The following GPR174 variants were observed in gnomAD, a reference collection of about 807,000 sequenced individuals.
GPR174 encodes probable G protein-coupled receptor 174.
In GPR174, 8 loss-of-function variants were observed where a neutral mutation model predicts 16.5. The observed-to-expected ratio is 0.48, with a 90% CI of 0.28 to 0.87. GPR174 has a LOEUF of 0.87. Ranked by LOEUF, GPR174 falls within the 40% of genes least tolerant of loss-of-function variation. The pLI, the probability that GPR174 is intolerant of heterozygous loss-of-function variation, is 0.09. For synonymous variants in GPR174, 111 were observed against 94.8 expected (o/e 1.17, Z -0.99); for missense variants, 214 against 247.5 (o/e 0.86, Z 0.91).
In GPR174 at chrX:79,171,409, C is replaced by T; in HGVS notation, c.402C>T (p.Asp134=). The T allele has an allele frequency of 1.7e-6, 2 of 1,211,787 alleles. No homozygotes were observed. The highest frequency in any genetic ancestry group is 2.2e-6 in the Non-Finnish European group (2 of 895,519). Residue 134 remains aspartate, a synonymous_variant, in exon 3 of 3, where the codon GAC becomes GAT. Transcript: ENST00000645147. ...FRFHDCKQKY[D]LYISIAGWLI... ...TCCATGACTGCAAACAGAAATATGA[C>T]CTGTACATCAGCATTGCTGGCTGGC...
At chrX:79,167,990 G>T (rs893439962) in intron 2 of GPR174, among the ~76,000 whole-genome samples, 13 of 111,907 alleles carry the variant, frequency 1.2e-4, no homozygotes, top group Admixed American at 7.6e-4. Flanking sequence ...ACTCAGTAGG[G>T]CAAAACTGGT....
At chrX:79,152,808 C>A (rs1018147461) in intron 1 of GPR174, among the ~76,000 whole-genome samples, 11 of 111,893 alleles carry the variant, frequency 9.8e-5, no homozygotes, top group Non-Finnish European at 1.5e-4. Context: ...GGACACTTCT[C>A]TCTTAAGGGT....
intron 1 of GPR174, among the ~76,000 whole-genome samples, chrX:79,150,123 T>C (rs1926572978): frequency 9.0e-6 from 1 of 111,526 alleles, no homozygotes; most frequent in East Asian, 2.8e-4. Flanking sequence ...CATAGTCCAA[T>C]AGAGAAAAAT....
chrX:79,144,996 C>CTT lies in GPR174; in HGVS notation c.-874_-873insTT, dbSNP rs1424713723. On this transcript the variant is annotated 5_prime_UTR_variant, in exon 1 of 3. Coordinates refer to ENST00000645147, the MANE Select transcript of GPR174 (RefSeq NM_032553.3). ...TCTTTCTTTTTCTTTCTTTCTTTCT[C>CTT]TCTCTCTCTCTTTCTTTCTTTCTTT... 9.0e-4 allele frequency: 65 copies of CTT among 72,139 alleles called. 1 individual carries two copies. Among genetic ancestry groups the CTT allele is most frequent in the Non-Finnish European group, 1.6e-3 (58 of 36,927 alleles). 5.9% of individuals were successfully genotyped at this position (72,139 alleles called of 1,213,427 possible).
chrX:79,152,036 G>T (rs1332511724), intron 1 of GPR174, among the ~76,000 whole-genome samples: 1 of 111,679 alleles, frequency 9.0e-6, no homozygotes, highest in Non-Finnish European at 1.9e-5. Context: ...AAGAACAAAG[G>T]TTCTGAACTC....
Position 79,171,989 on chromosome X carries a change from A to G in GPR174, c.982A>G (p.Met328Val). 1.7e-6 allele frequency: 2 copies of G among 1,194,809 alleles called. No individual in the cohort carries two copies. The highest frequency in any genetic ancestry group is 2.3e-6 in the Non-Finnish European group (2 of 887,562). The change falls in exon 3 of 3, where the codon ATG becomes GTG. Residue 328 changes from methionine to valine, a missense_variant. Met to Val is a conservative substitution (Grantham distance 21, BLOSUM62 1). Transcript: ENST00000645147. ...SFVSNHTAST[M>V]TPELC ...TGTGAGTAACCATACAGCTTCCACC[A>G]TGACACCTGAATTATGCTAAAACAA...
intron 1 of GPR174, among the ~76,000 whole-genome samples, chrX:79,151,355 A>G (rs1052019390): frequency 1.8e-5 from 2 of 111,115 alleles, no homozygotes; most frequent in African/African-American, 6.5e-5. Flanking sequence ...TTTCAACACC[A>G]CTTTATTGAG....
intron 2 of GPR174, among the ~76,000 whole-genome samples, chrX:79,165,094 T>C (rs183588809): frequency 2.0e-3 from 225 of 111,140 alleles, no homozygotes; most frequent in African/African-American, 7.1e-3. Context: ...TATTTTAATA[T>C]TTAAATTTTT....
At chrX:79,158,161 A>T (rs1921144133) in intron 2 of GPR174, among the ~76,000 whole-genome samples, 2 of 99,948 alleles carry the variant, frequency 2.0e-5, no homozygotes, top group Non-Finnish European at 4.1e-5. Flanking sequence ...AAGCCACCCC[A>T]TTTGTTTTCT....
chrX:79,144,952 T>C lies in GPR174; in HGVS notation c.-919T>C, dbSNP rs1366510011. ...CTCCTTTCCTTTTCTTTCTTTCTTT[T>C]TCTTTCTTTCTTTCTCTTTCTTTCT... On this transcript the variant is annotated 5_prime_UTR_variant, in exon 1 of 3. Coordinates refer to ENST00000645147, the MANE Select transcript of GPR174 (RefSeq NM_032553.3). The C allele has an allele frequency of 1.9e-5, 2 of 106,190 alleles. No homozygotes were observed. Among genetic ancestry groups the C allele is most frequent in the Non-Finnish European group, 3.9e-5 (2 of 51,717 alleles). 8.8% of individuals were successfully genotyped at this position (106,190 alleles called of 1,213,427 possible). A position where few individuals can be genotyped will look rare whatever the true frequency, so the allele number is the denominator to read the frequency against.
At position 79,174,537 on chromosome X, in the gene GPR174, A is replaced by G. The variant is rs1270958917; in HGVS notation, c.*2528A>G. The G allele has an allele frequency of 9.1e-6, 1 of 109,593 alleles. No homozygotes were observed. The highest frequency in any genetic ancestry group is 2.9e-4 in the East Asian group (1 of 3,458). 9.0% of individuals were successfully genotyped at this position (109,593 alleles called of 1,213,427 possible). A position where few individuals can be genotyped will look rare whatever the true frequency, so the allele number is the denominator to read the frequency against. On this transcript the variant is annotated 3_prime_UTR_variant, in exon 3 of 3. Transcript: ENST00000645147. ...CTGGAGGGAAAGAAATTTTGGATAAAGTGGGTCCCACAGCACTGCCTTTCA... is the reference window on the plus strand; with the variant it reads ...CTGGAGGGAAAGAAATTTTGGATAAGGTGGGTCCCACAGCACTGCCTTTCA...
intron 1 of GPR174, among the ~76,000 whole-genome samples, chrX:79,151,153 C>G (rs928523390): frequency 9.0e-6 from 1 of 111,263 alleles, no homozygotes. Flanking sequence ...ACTACTGGCT[C>G]TTTTATTTTT....
chrX:79,161,453 T>C (rs1468310634), intron 2 of GPR174, among the ~76,000 whole-genome samples: 1 of 112,531 alleles, frequency 8.9e-6, no homozygotes, highest in Non-Finnish European at 1.9e-5. Flanking sequence ...GGTCATAAGT[T>C]ATGGTTTAGA....
At chrX:79,150,435 A>C (rs1361010633) in intron 1 of GPR174, among the ~76,000 whole-genome samples, 2 of 111,117 alleles carry the variant, frequency 1.8e-5, no homozygotes, top group Non-Finnish European at 3.8e-5. Flanking sequence ...CCAAATATAG[A>C]CCCTCTAAAG....
At chrX:79,152,133 T>C (rs1464795322) in intron 1 of GPR174, among the ~76,000 whole-genome samples, 1 of 111,626 alleles carries the variant, frequency 9.0e-6, no homozygotes, top group Non-Finnish European at 1.9e-5. Context: ...GCTCAAAAAA[T>C]TGTACACAGA....
At position 79,144,998 on chromosome X, in the gene GPR174, CTCTCTCTCTT is replaced by C. The variant is rs1323226700; in HGVS notation, c.-869_-860del. On this transcript the variant is annotated 5_prime_UTR_variant, in exon 1 of 3. Transcript: ENST00000645147. ...TTTCTTTTTCTTTCTTTCTTTCTCT[CTCTCTCTCTT>C]TCTTTCTTTCTTTCTTTCTTTCTTT... 1.1e-4 allele frequency: 3 copies of C among 28,433 alleles called. No individual in the cohort carries two copies. Among genetic ancestry groups the C allele is most frequent in the African/African-American group, 3.2e-4 (3 of 9,251 alleles). 2.3% of individuals were successfully genotyped at this position (28,433 alleles called of 1,213,427 possible). A position where few individuals can be genotyped will look rare whatever the true frequency, so the allele number is the denominator to read the frequency against.
chrX:79,166,503 A>G (rs1163497729), intron 2 of GPR174, among the ~76,000 whole-genome samples: 1 of 81,823 alleles, frequency 1.2e-5, no homozygotes, highest in Non-Finnish European at 2.1e-5. Context: ...CAGTGGCTCG[A>G]TCTCGGCTCA....
chrX:79,155,396 C>T (rs1227420961), intron 1 of GPR174, among the ~76,000 whole-genome samples: 1 of 111,065 alleles, frequency 9.0e-6, no homozygotes, highest in Non-Finnish European at 1.9e-5. Context: ...CTCTCAAGGA[C>T]AAAAAATAAT....
intron 2 of GPR174, among the ~76,000 whole-genome samples, chrX:79,164,648 C>T (rs969911666): frequency 9.0e-6 from 1 of 111,605 alleles, no homozygotes; most frequent in Non-Finnish European, 1.9e-5. Flanking sequence ...AAAATAAATT[C>T]TTCCAAAGTC....
Sources: gnomAD v4.1 joint callset for allele counts (sites outside exome capture counted in the v4.1 genomes callset) on GRCh38, gnomAD v4.1.1 for gene constraint, MANE v1.5 for transcripts, NCBI Gene and HGNC (gene_info 2026-07-23, HGNC 2026-07-21) for gene names.